HIVEP3: variants seen among roughly 807,000 people sequenced by gnomAD.
The protein encoded by HIVEP3 is transcription factor HIVEP3.
Under a neutral mutation model 152.8 loss-of-function variants are expected in HIVEP3, and 49 were observed. The observed-to-expected ratio is 0.32, with a 90% CI of 0.26 to 0.41. The LOEUF (loss-of-function observed/expected upper bound fraction) is 0.41. Among genes scored for constraint, HIVEP3 ranks in the 10% least tolerant of loss-of-function variants. The pLI is 1.00. For missense variants in HIVEP3, 2,790 were observed against 3,103.3 expected, an observed-to-expected ratio of 0.90 and a Z score of 2.40; for synonymous variants, 1,269 against 1,289.0, an observed-to-expected ratio of 0.98 and a Z score of 0.33.
intron 5 of HIVEP3, among the ~76,000 whole-genome samples, chr1:41,525,671 G>T (rs1642879479): frequency 6.6e-6 from 1 of 152,198 alleles, no homozygotes; most frequent in South Asian, 2.1e-4. Context: ...CATCGCTTGG[G>T]GTTCTATCTG....
chr1:41,725,952 T>G (rs766464640), intron 1 of HIVEP3, among the ~76,000 whole-genome samples: 1 of 152,220 alleles, frequency 6.6e-6, no homozygotes, highest in South Asian at 2.1e-4. Context: ...GAAGTGATTT[T>G]CAGTGAGTAA....
At chr1:41,784,652 G>T (rs1649242711) in intron 1 of HIVEP3, among the ~76,000 whole-genome samples, 1 of 152,208 alleles carries the variant, frequency 6.6e-6, no homozygotes, top group South Asian at 2.1e-4. Flanking sequence ...AGGCAAGCTG[G>T]TTACACACCC....
intron 1 of HIVEP3, among the ~76,000 whole-genome samples, chr1:41,937,611 AT>A (rs1349329425): frequency 6.6e-6 from 1 of 152,100 alleles, no homozygotes; most frequent in Non-Finnish European, 1.5e-5. Context: ...CTCACCAATA[AT>A]TTTTATTTTG....
At chr1:41,694,084 T>G (rs1021566495) in intron 2 of HIVEP3, among the ~76,000 whole-genome samples, 3 of 152,238 alleles carry the variant, frequency 2.0e-5, no homozygotes, top group Non-Finnish European at 4.4e-5. Context: ...ATGAAAAATT[T>G]TTTTTGGGAT....
intron 3 of HIVEP3, among the ~76,000 whole-genome samples, chr1:41,598,249 T>A (rs1644695065): frequency 6.6e-6 from 1 of 152,194 alleles, no homozygotes; most frequent in Non-Finnish European, 1.5e-5. Context: ...AGTGGCCTGA[T>A]CTCTTGTCAG....
At chr1:41,524,248 GA>G (rs1378292302) in intron 6 of HIVEP3, among the ~76,000 whole-genome samples, 3 of 152,194 alleles carry the variant, frequency 2.0e-5, no homozygotes, top group African/African-American at 7.2e-5. Flanking sequence ...TGGGAGTGGA[GA>G]GGTGGGTGGA....
chr1:41,938,588 A>C (rs573939607), intron 1 of HIVEP3, among the ~76,000 whole-genome samples: 1 of 152,314 alleles, frequency 6.6e-6, no homozygotes, highest in East Asian at 1.9e-4. Context: ...GAGGAAGAGC[A>C]AGTCCAGAAT....
Position 41,544,664 on chromosome 1 carries a change from TACC to T in HIVEP3, c.5208-19757_5208-19755del, listed in dbSNP as rs1303640410. ...TCACCACCACCACTACCACCACTACTACCACCACCACCACCTCTACCACCACTG... is the reference window on the plus strand; with the variant it reads ...TCACCACCACCACTACCACCACTACTACCACCACCACCTCTACCACCACTG... On this transcript the variant is annotated intron_variant, in intron 5 of 8. Transcript: ENST00000372583. 3.0e-4 allele frequency among the ~76,000 whole-genome samples: 22 copies of T among 74,406 alleles called. 1 individual carries two copies. Among genetic ancestry groups the T allele is most frequent in the African/African-American group, 7.9e-4 (15 of 19,006 alleles). The allele number at this position is 74,406 out of a possible 152,430, so 48.8% of individuals were successfully genotyped here.
chr1:41,616,135 A>G (rs1360367733), intron 3 of HIVEP3, among the ~76,000 whole-genome samples: 1 of 152,000 alleles, frequency 6.6e-6, no homozygotes, highest in Non-Finnish European at 1.5e-5. Context: ...GGATCTGAGC[A>G]TCATTGTACC....
At chr1:41,808,234 C>A (rs1200320004) in intron 1 of HIVEP3, among the ~76,000 whole-genome samples, 1 of 152,240 alleles carries the variant, frequency 6.6e-6, no homozygotes, top group Non-Finnish European at 1.5e-5. Context: ...GGACTTGAAC[C>A]TGAGGCTCCA....
At chr1:41,926,824 C>A (rs1291128006) in intron 1 of HIVEP3, among the ~76,000 whole-genome samples, 1 of 152,178 alleles carries the variant, frequency 6.6e-6, no homozygotes, top group Admixed American at 6.5e-5. Context: ...GTATCAAAAA[C>A]CCTATGGAGT....
intron 3 of HIVEP3, among the ~76,000 whole-genome samples, chr1:41,605,711 C>T (rs767236171): frequency 3.3e-5 from 5 of 151,414 alleles, no homozygotes; most frequent in Non-Finnish European, 7.4e-5. Flanking sequence ...AGGATCTCAC[C>T]GAGCAGAAAA....
intron 1 of HIVEP3, among the ~76,000 whole-genome samples, chr1:41,857,367 G>A (rs1272912124): frequency 6.6e-6 from 1 of 152,180 alleles, no homozygotes; most frequent in Non-Finnish European, 1.5e-5. Context: ...AGAAAAGAGG[G>A]TTGGTCTGAT....
intron 2 of HIVEP3, among the ~76,000 whole-genome samples, chr1:41,695,063 C>A (rs962293927): frequency 1.3e-5 from 2 of 152,194 alleles, no homozygotes; most frequent in Admixed American, 6.5e-5. Context: ...AAACTTGTTT[C>A]CCCCAAAGCT....
intron 1 of HIVEP3, among the ~76,000 whole-genome samples, chr1:41,703,310 T>C (rs1267800039): frequency 6.6e-6 from 1 of 152,216 alleles, no homozygotes; most frequent in Non-Finnish European, 1.5e-5. Flanking sequence ...AAATTATTTT[T>C]GGTGTTATTT....
chr1:42,032,788 G>A (rs1645620298), intron 1 of HIVEP3, among the ~76,000 whole-genome samples: 1 of 152,136 alleles, frequency 6.6e-6, no homozygotes, highest in Non-Finnish European at 1.5e-5. Context: ...GCTGGTCTCA[G>A]CCTGGATCCC....
chr1:41,577,543 T>C (rs1181928967), intron 4 of HIVEP3, among the ~76,000 whole-genome samples: 4 of 152,188 alleles, frequency 2.6e-5, no homozygotes, highest in Non-Finnish European at 5.9e-5. Flanking sequence ...AAGTGGACTC[T>C]GAACAAGCTG....
chr1:41,774,071 C>G (rs2124270527), intron 1 of HIVEP3, among the ~76,000 whole-genome samples: 1 of 152,338 alleles, frequency 6.6e-6, no homozygotes, highest in South Asian at 2.1e-4. Context: ...ATGACACTTT[C>G]CAATGAGATG....
At chr1:41,787,535 CTTTTTTT>C (rs200281948) in intron 1 of HIVEP3, among the ~76,000 whole-genome samples, 1 of 122,844 alleles carries the variant, frequency 8.1e-6, no homozygotes, top group Non-Finnish European at 1.7e-5. Context: ...TTCTTTCTTT[CTTTTTTT>C]TTTTTTTTTT....
Sources: allele counts gnomAD v4.1 joint callset (sites outside exome capture counted in the v4.1 genomes callset), GRCh38; gene constraint gnomAD v4.1.1; transcripts MANE v1.5; gene names NCBI Gene and HGNC (gene_info 2026-07-23, HGNC 2026-07-21).